CSMD1: variants seen among roughly 807,000 people sequenced by gnomAD.
CSMD1 encodes the protein CUB and sushi domain-containing protein 1.
CSMD1 carries 213 observed loss-of-function variants against 417.5 expected under a neutral mutation model. The ratio of observed to expected loss-of-function variants is 0.51; its 90% confidence interval spans 0.46 to 0.57. The LOEUF (loss-of-function observed/expected upper bound fraction) is 0.57, where lower values mean the gene tolerates loss of function less well. CSMD1 is among the 20% of genes least tolerant of loss of function. CSMD1 has a pLI of 0.00. For missense variants in CSMD1, 6,923 were observed against 4,529.7 expected, an observed-to-expected ratio of 1.53 and a Z score of -15.17; for synonymous variants, 2,862 against 1,736.8, an observed-to-expected ratio of 1.65 and a Z score of -16.11.
intron 3 of CSMD1, among the ~76,000 whole-genome samples, chr8:4,324,183 T>C (rs995326829): frequency 2.6e-5 from 4 of 152,240 alleles, no homozygotes; most frequent in Non-Finnish European, 4.4e-5. Flanking sequence ...ATAAAAAATA[T>C]AGAACAAAGT....
chr8:4,029,674 T>G (rs1327065851), intron 4 of CSMD1, among the ~76,000 whole-genome samples: 1 of 152,120 alleles, frequency 6.6e-6, no homozygotes, highest in Admixed American at 6.5e-5. Flanking sequence ...CCAAATCTCA[T>G]GTCCTCACAT....
At chr8:4,563,122 C>T (rs1448581976) in intron 2 of CSMD1, among the ~76,000 whole-genome samples, 1 of 152,066 alleles carries the variant, frequency 6.6e-6, no homozygotes. Context: ...AAACAATGGG[C>T]CGGGCACAGT....
intron 2 of CSMD1, among the ~76,000 whole-genome samples, chr8:4,469,062 G>C (rs1268113122): frequency 6.6e-6 from 1 of 152,124 alleles, no homozygotes. Context: ...TTAATAACAA[G>C]AGCACAATTG....
At chr8:4,606,018 C>T (rs755472965) in intron 2 of CSMD1, among the ~76,000 whole-genome samples, 4 of 152,152 alleles carry the variant, frequency 2.6e-5, no homozygotes, top group African/African-American at 9.7e-5. Context: ...AGACACCAAG[C>T]TGACAGGAAT....
chr8:4,098,252 T>C (rs1222977718), intron 3 of CSMD1, among the ~76,000 whole-genome samples: 1 of 152,170 alleles, frequency 6.6e-6, no homozygotes, highest in Non-Finnish European at 1.5e-5. Context: ...ATAAATACAA[T>C]GTACTTCAGA....
chr8:3,832,033 G>T (rs574326512), intron 5 of CSMD1, among the ~76,000 whole-genome samples: 1 of 152,138 alleles, frequency 6.6e-6, no homozygotes, highest in African/African-American at 2.4e-5. Flanking sequence ...CCTTCTCTGC[G>T]TTGCTCTTAT....
At chr8:3,443,481 G>A (rs536684094) in intron 12 of CSMD1, among the ~76,000 whole-genome samples, 11 of 152,298 alleles carry the variant, frequency 7.2e-5, no homozygotes, top group Admixed American at 3.9e-4. Context: ...TATATATAGA[G>A]ATATCTACAT....
At chr8:4,120,636 G>C (rs567688985) in intron 3 of CSMD1, among the ~76,000 whole-genome samples, 1 of 152,326 alleles carries the variant, frequency 6.6e-6, no homozygotes, top group African/African-American at 2.4e-5. Flanking sequence ...CCTGCCACTG[G>C]CCTTCTCTAG....
intron 3 of CSMD1, among the ~76,000 whole-genome samples, chr8:4,293,704 T>C (rs528076341): frequency 1.3e-5 from 2 of 152,282 alleles, no homozygotes; most frequent in African/African-American, 4.8e-5. Context: ...AGAATTGCAT[T>C]CCATACTTTA....
chr8:4,094,446 T>G (rs191054687), intron 3 of CSMD1, among the ~76,000 whole-genome samples: 4 of 151,904 alleles, frequency 2.6e-5, no homozygotes, highest in African/African-American at 7.2e-5. Flanking sequence ...CTGTGGGAAG[T>G]GAGGTAGAGG....
intron 7 of CSMD1, among the ~76,000 whole-genome samples, chr8:3,655,359 T>G (rs1360498486): frequency 6.6e-6 from 1 of 152,238 alleles, no homozygotes; most frequent in East Asian, 1.9e-4. Flanking sequence ...CTACAGCGAA[T>G]TTGGCAGTGA....
At chr8:3,201,471 A>G (rs1276993613) in intron 32 of CSMD1, 141 bp downstream of exon 32, 3 of 462,732 alleles carry the variant, frequency 6.5e-6, no homozygotes, top group African/African-American at 5.9e-5. Context: ...ATCTAAAATA[A>G]GATTTTTCTA....
At chr8:4,084,334 A>G (rs77617595) in intron 3 of CSMD1, among the ~76,000 whole-genome samples, 6 of 12,594 alleles carry the variant, frequency 4.8e-4, no homozygotes, top group African/African-American at 8.8e-4. Context: ...GTTAAAAAAG[A>G]AAAAAAAAAA....
chr8:4,287,534 T>C (rs1797125971), intron 3 of CSMD1, among the ~76,000 whole-genome samples: 1 of 152,144 alleles, frequency 6.6e-6, no homozygotes, highest in South Asian at 2.1e-4. Context: ...CAGCTTCCCA[T>C]TATCGTTATA....
At chr8:4,817,755 G>A (rs895979315) in intron 1 of CSMD1, among the ~76,000 whole-genome samples, 15 of 152,152 alleles carry the variant, frequency 9.9e-5, no homozygotes, top group Non-Finnish European at 1.8e-4. Flanking sequence ...CAGCTATCAC[G>A]CTGAGTAGGT....
intron 2 of CSMD1, among the ~76,000 whole-genome samples, chr8:4,486,330 C>G (rs1351212284): frequency 6.7e-6 from 1 of 148,668 alleles, no homozygotes; most frequent in African/African-American, 2.5e-5. Context: ...CTACAAATAA[C>G]AGTAATTTGC....
intron 69 of CSMD1, among the ~76,000 whole-genome samples, chr8:2,942,264 A>G (rs907151043): frequency 5.3e-5 from 8 of 151,532 alleles, no homozygotes; most frequent in African/African-American, 1.9e-4. Flanking sequence ...GCAGCAGACC[A>G]CCCCGGCTTA....
In CSMD1 at chr8:3,088,285, C is replaced by T. The variant is rs1202826091; in HGVS notation, c.7286-1000G>A. Among the ~76,000 whole-genome samples, 9 of 152,154 alleles carry T rather than the reference C, an allele frequency of 5.9e-5. No homozygotes were observed. In the South Asian group the frequency reaches 1.0e-3, roughly 18 times the overall value. ...AAGGCTAGGTCACTACTGCATAAGG[C>T]GAGGTCACTACTACACAAAATCCTA... On this transcript the variant is annotated intron_variant, in intron 48 of 69. Transcript: ENST00000635120.
chr8:3,527,927 G>C (rs959567596), intron 10 of CSMD1, among the ~76,000 whole-genome samples: 1 of 152,188 alleles, frequency 6.6e-6, no homozygotes, highest in Non-Finnish European at 1.5e-5. Flanking sequence ...TTGTAGGGCA[G>C]TTCTGTGCAG....
Sources: allele counts gnomAD v4.1 joint callset (sites outside exome capture counted in the v4.1 genomes callset), GRCh38; gene constraint gnomAD v4.1.1; transcripts MANE v1.5; gene names NCBI Gene and HGNC (gene_info 2026-07-23, HGNC 2026-07-21).